Variants in STXBP5 observed in about 807,000 individuals in gnomAD.
STXBP5 encodes syntaxin-binding protein 5.
In STXBP5, 50 loss-of-function variants were observed where a neutral mutation model predicts 152.4. The ratio of observed to expected loss-of-function variants is 0.33; its 90% CI spans 0.26 to 0.42. STXBP5 has a LOEUF of 0.42. Ranked by LOEUF, STXBP5 falls within the 10% of genes least tolerant of loss-of-function variation. The pLI is 1.00. For missense variants in STXBP5, 1,167 were observed against 1,388.6 expected, an observed-to-expected ratio of 0.84 and a Z score of 2.54; for synonymous variants, 492 against 494.7, an observed-to-expected ratio of 0.99 and a Z score of 0.07.
At chr6:147,243,025 T>C (rs886123683) in intron 4 of STXBP5, among the ~76,000 whole-genome samples, 1 of 152,224 alleles carries the variant, frequency 6.6e-6, no homozygotes, top group Non-Finnish European at 1.5e-5. Flanking sequence ...TTTGCTTTTT[T>C]TGGCCATTAT....
At chr6:147,251,152 G>T (rs991596980) in intron 4 of STXBP5, among the ~76,000 whole-genome samples, 10 of 152,128 alleles carry the variant, frequency 6.6e-5, no homozygotes, top group African/African-American at 2.2e-4. Context: ...CCGAAGCAGG[G>T]TGTGGCGTTG....
At chr6:147,267,265 G>T (rs1779939474) in intron 7 of STXBP5, 98 bp downstream of exon 7, 2 of 814,666 alleles carry the variant, frequency 2.5e-6, no homozygotes. Context: ...GGCAAACTTT[G>T]TAATTGCAGT....
intron 16 of STXBP5, 31 bp downstream of exon 16, chr6:147,316,438 G>T: frequency 7.0e-7 from 1 of 1,430,790 alleles, no homozygotes. Context: ...GAGGAGTTTT[G>T]GATATTATCT....
chr6:147,330,905 A>G (rs1161896073), intron 18 of STXBP5, among the ~76,000 whole-genome samples: 2 of 152,210 alleles, frequency 1.3e-5, no homozygotes, highest in Admixed American at 6.5e-5. Flanking sequence ...TTGGAAAAAT[A>G]CCATGTTTAT....
At chr6:147,304,497 A>T (rs1486866669) in intron 9 of STXBP5, among the ~76,000 whole-genome samples, 2 of 152,154 alleles carry the variant, frequency 1.3e-5, no homozygotes, top group East Asian at 1.9e-4. Context: ...GGCAGTGTGG[A>T]TGGGAAATGT....
At chr6:147,301,273 G>A (rs926755802) in intron 9 of STXBP5, among the ~76,000 whole-genome samples, 23 of 152,214 alleles carry the variant, frequency 1.5e-4, no homozygotes, top group African/African-American at 5.3e-4. Flanking sequence ...ACTACCATAT[G>A]ATCCAACAAT....
intron 7 of STXBP5, among the ~76,000 whole-genome samples, chr6:147,273,949 C>CA (rs796458350): frequency 0.035 from 2,933 of 84,564 alleles, 38 homozygotes; most frequent in Middle Eastern, 0.048. Flanking sequence ...GAGACTCTGG[C>CA]AAAAAAAAAA....
chr6:147,363,848 G>C (rs1057471577), intron 24 of STXBP5, 144 bp downstream of exon 24: 1 of 1,383,750 alleles, frequency 7.2e-7, no homozygotes, highest in Non-Finnish European at 9.7e-7. Context: ...TAGTGAACAA[G>C]TATATGAGGA....
chr6:147,323,931 G>T (rs1783071353), intron 16 of STXBP5, among the ~76,000 whole-genome samples: 1 of 152,044 alleles, frequency 6.6e-6, no homozygotes, highest in Non-Finnish European at 1.5e-5. Flanking sequence ...CTAAAGTCTG[G>T]CCCTGGCCTG....
At chr6:147,374,129 T>C (rs1203984043) in intron 26 of STXBP5, among the ~76,000 whole-genome samples, 1 of 152,226 alleles carries the variant, frequency 6.6e-6, no homozygotes, top group Non-Finnish European at 1.5e-5. Context: ...GTTATGTTAA[T>C]GCTATGATTT....
intron 11 of STXBP5, among the ~76,000 whole-genome samples, chr6:147,312,937 G>C (rs1024355981): frequency 6.6e-6 from 1 of 152,094 alleles, no homozygotes; most frequent in African/African-American, 2.4e-5. Flanking sequence ...CAAGTAACCT[G>C]TGACTAGGCA....
rs973065916 is a variant in STXBP5, at chr6:147,387,376, A to T, written c.*2621A>T. On this transcript the variant is annotated 3_prime_UTR_variant, in exon 28 of 28. Coordinates refer to ENST00000321680, the MANE Select transcript of STXBP5 (RefSeq NM_001127715.4). ...TGAAAGATTTTTGTGTGCCCTCTCC[A>T]TATCCTCATTGTTTTTGTTGCATTT... is the stretch of plus-strand genomic sequence containing the variant. 2.0e-5 allele frequency: 3 copies of T among 151,712 alleles called. No homozygotes were observed. Among genetic ancestry groups the T allele is most frequent in the Non-Finnish European group, 4.4e-5 (3 of 67,712 alleles). 9.4% of individuals were successfully genotyped at this position (151,712 alleles called of 1,614,324 possible). A position where few individuals can be genotyped will look rare whatever the true frequency, so the allele number is the denominator to read the frequency against.
chr6:147,282,163 T>C (rs1322006642), intron 8 of STXBP5, among the ~76,000 whole-genome samples: 1 of 152,216 alleles, frequency 6.6e-6, no homozygotes, highest in African/African-American at 2.4e-5. Context: ...GTAGAATGGA[T>C]TAGTGAACCC....
intron 22 of STXBP5, 79 bp from the exon 23 acceptor site, chr6:147,359,005 A>G: frequency 2.6e-6 from 4 of 1,510,994 alleles, no homozygotes; most frequent in Non-Finnish European, 3.6e-6. Context: ...TAACTATTTG[A>G]CCAAATTTAT....
At chr6:147,264,680 A>C (rs774393168) in intron 6 of STXBP5, among the ~76,000 whole-genome samples, 3 of 152,138 alleles carry the variant, frequency 2.0e-5, no homozygotes, top group African/African-American at 7.2e-5. Flanking sequence ...ATGTAAGCTA[A>C]TTAACATCTC....
At chr6:147,336,648 T>C (rs1783838861) in intron 19 of STXBP5, among the ~76,000 whole-genome samples, 1 of 152,022 alleles carries the variant, frequency 6.6e-6, no homozygotes, top group Non-Finnish European at 1.5e-5. Context: ...GGTAAAATAG[T>C]TGAGTGATGC....
At chr6:147,212,229 T>C (rs1313824429) in intron 2 of STXBP5, among the ~76,000 whole-genome samples, 1 of 152,214 alleles carries the variant, frequency 6.6e-6, no homozygotes, top group Non-Finnish European at 1.5e-5. Context: ...AACCATGGAA[T>C]TGAAAAGAAT....
intron 2 of STXBP5, among the ~76,000 whole-genome samples, chr6:147,206,493 C>T (rs1776570143): frequency 1.3e-5 from 2 of 152,088 alleles, no homozygotes; most frequent in African/African-American, 4.8e-5. Flanking sequence ...GATTGGATTT[C>T]AATCTGAATT....
Position 147,267,139 on chromosome 6 carries a change from A to T in STXBP5, c.686A>T (p.Lys229Ile), listed in dbSNP as rs1779932634. 1 of 1,610,186 alleles carries T rather than the reference A, an allele frequency of 6.2e-7. No homozygotes were observed. The highest frequency in any genetic ancestry group is 1.1e-5 in the South Asian group (1 of 90,366). Residue 229 changes from lysine (K) to isoleucine (I), a missense_variant, in exon 7 of 28, where the codon AAA becomes ATA. By Grantham distance (102) the Lys-to-Ile change is moderately radical (BLOSUM62 -3). Transcript: ENST00000321680. ...GTTTTATGGGACCTCAAATCAAAGA[A>T]AGCCGACTACAGATACACATATGAT... ...TVVLWDLKSK[K>I]ADYRYTYDEA...
Sources: allele counts gnomAD v4.1 joint callset (sites outside exome capture counted in the v4.1 genomes callset), GRCh38; gene constraint gnomAD v4.1.1; transcripts MANE v1.5; gene names NCBI Gene and HGNC (gene_info 2026-07-23, HGNC 2026-07-21).